CFAP61: variants seen among roughly 807,000 people sequenced by gnomAD.
The protein encoded by CFAP61 is cilia- and flagella-associated protein 61.
CFAP61 carries 107 observed loss-of-function variants against 135.6 expected under a neutral mutation model. That is an observed-to-expected ratio of 0.79 (90% CI 0.67 to 0.93). The LOEUF is 0.93. CFAP61 is among the 40% of genes least tolerant of loss of function. The pLI is 0.00. For missense variants in CFAP61, 1,507 were observed against 1,556.2 expected (o/e 0.97, Z 0.53); for synonymous variants, 575 against 578.5 (o/e 0.99, Z 0.09).
chr20:20,112,892 G>T (rs2048891927), intron 8 of CFAP61, among the ~76,000 whole-genome samples: 1 of 152,142 alleles, frequency 6.6e-6, no homozygotes, highest in Admixed American at 6.6e-5. Context: ...ATGAATATCT[G>T]TGGTTGTGAT....
chr20:20,257,563 G>A (rs184667873), intron 20 of CFAP61, among the ~76,000 whole-genome samples: 13 of 147,744 alleles, frequency 8.8e-5, no homozygotes, highest in Admixed American at 2.1e-4. Context: ...GCAGTGAGCC[G>A]AGATTGTGCC....
rs927767288 is a variant in CFAP61 at position 20,337,324 on chromosome 20, G to A, written c.3423-4507G>A. ...TGGATGGATGGATGGATGGATGGAT[G>A]GATGGATGGATGGATAGATGGGTGG... On this transcript the variant is annotated intron_variant, in intron 25 of 26. Coordinates refer to ENST00000245957, the MANE Select transcript of CFAP61 (RefSeq NM_015585.4). 1.8e-3 allele frequency among the ~76,000 whole-genome samples: 187 copies of A among 105,342 alleles called. 28 individuals are homozygous for A. The highest frequency in any genetic ancestry group is 0.012 in the East Asian group (27 of 2,250). The allele number at this position is 105,342 out of a possible 152,430, so 69.1% of individuals were successfully genotyped here.
intron 18 of CFAP61, among the ~76,000 whole-genome samples, chr20:20,237,139 A>G (rs1040292253): frequency 6.6e-6 from 1 of 152,152 alleles, no homozygotes; most frequent in Non-Finnish European, 1.5e-5. Flanking sequence ...TTTGTGATAC[A>G]TAAGTTTTTT....
intron 6 of CFAP61, among the ~76,000 whole-genome samples, chr20:20,078,068 T>A (rs2046182744): frequency 6.6e-6 from 1 of 152,230 alleles, no homozygotes; most frequent in South Asian, 2.1e-4. Context: ...AACTTCAGTT[T>A]ATTTCAGGGC....
At position 20,345,883 on chromosome 20, in the gene CFAP61, CTTTTTTTTTT is replaced by C. The variant is rs756813997; in HGVS notation, c.3513+3982_3513+3991del. On this transcript the variant is annotated intron_variant, in intron 26 of 26. Coordinates refer to ENST00000245957, the MANE Select transcript of CFAP61 (RefSeq NM_015585.4). ...GTTGTATTTAGCTGAGATTGTGCCA[CTTTTTTTTTT>C]TTTTTTTTTTTTTTTTTTTGAGACG... Among the ~76,000 whole-genome samples the C allele has an allele frequency of 5.9e-5, 3 of 50,428 alleles. No homozygotes were observed. The Admixed American group carries it at 1.1e-3, about 18-fold the overall frequency. 33.1% of individuals were successfully genotyped at this position (50,428 alleles called of 152,430 possible).
At chr20:20,311,160 C>A (rs766926378) in intron 25 of CFAP61, among the ~76,000 whole-genome samples, 22 of 152,186 alleles carry the variant, frequency 1.4e-4, no homozygotes, top group Non-Finnish European at 3.1e-4. Context: ...AACTAATCAA[C>A]CTTGACCAGA....
chr20:20,116,639 C>CTTCTACAACCA (rs1233963393), intron 8 of CFAP61, among the ~76,000 whole-genome samples: 1 of 152,016 alleles, frequency 6.6e-6, no homozygotes, highest in Non-Finnish European at 1.5e-5. Flanking sequence ...TAGTTTCATT[C>CTTCTACAACCA]TTCTACATGG....
intron 6 of CFAP61, chr20:20,085,650 T>C (rs1232352203): frequency 1.3e-5 from 7 of 553,494 alleles, no homozygotes; most frequent in Non-Finnish European, 2.2e-5. Flanking sequence ...GTAATATTTC[T>C]GTGTCCATCG....
At chr20:20,183,931 T>C (rs1372863626) in intron 13 of CFAP61, among the ~76,000 whole-genome samples, 1 of 152,162 alleles carries the variant, frequency 6.6e-6, no homozygotes, top group Non-Finnish European at 1.5e-5. Flanking sequence ...TATTCCTCTT[T>C]GGTGAATATG....
intron 22 of CFAP61, among the ~76,000 whole-genome samples, chr20:20,283,899 A>G (rs138836436): frequency 1.4e-3 from 209 of 152,286 alleles, no homozygotes; most frequent in Non-Finnish European, 2.1e-3. Context: ...TTTAAGGTTT[A>G]CCTGATCAGG....
chr20:20,057,261 T>A (rs1022730255), intron 2 of CFAP61, among the ~76,000 whole-genome samples: 2 of 152,188 alleles, frequency 1.3e-5, no homozygotes, highest in African/African-American at 4.8e-5. Context: ...AAGAAATCTC[T>A]GGGAACAACA....
intron 6 of CFAP61, among the ~76,000 whole-genome samples, chr20:20,080,482 G>T (rs1023698618): frequency 6.6e-6 from 1 of 151,998 alleles, no homozygotes; most frequent in Non-Finnish European, 1.5e-5. Context: ...AAATAATACT[G>T]TAGTAAACAG....
At chr20:20,266,157 A>G (rs2052723989) in intron 21 of CFAP61, among the ~76,000 whole-genome samples, 1 of 152,246 alleles carries the variant, frequency 6.6e-6, no homozygotes, top group African/African-American at 2.4e-5. Flanking sequence ...CTGGGAGGGC[A>G]TTCCATATAG....
chr20:20,065,972 G>T (rs6132267), intron 2 of CFAP61, among the ~76,000 whole-genome samples: 1 of 145,320 alleles, frequency 6.9e-6, no homozygotes, highest in Non-Finnish European at 1.5e-5. Flanking sequence ...TTTGTACAAA[G>T]AACTTAAACA....
chr20:20,278,517 A>G (rs1046360268), intron 22 of CFAP61, among the ~76,000 whole-genome samples: 5 of 152,208 alleles, frequency 3.3e-5, no homozygotes, highest in Non-Finnish European at 5.9e-5. Context: ...TATGAGGATA[A>G]TGGTTGTGTA....
chr20:20,175,153 G>T (rs1804548612), intron 13 of CFAP61, among the ~76,000 whole-genome samples: 1 of 152,196 alleles, frequency 6.6e-6, no homozygotes, highest in Non-Finnish European at 1.5e-5. Context: ...ACAAGAGCTT[G>T]TTTGTCCCTT....
Position 20,080,444 on chromosome 20 carries a change from G to A in CFAP61, c.566+4829G>A, listed in dbSNP as rs6132270. Among the ~76,000 whole-genome samples the A allele has an allele frequency of 3.6e-4, 55 of 152,168 alleles. No individual in the cohort carries two copies. In the East Asian group the frequency reaches 9.3e-3, roughly 26 times the overall value. Reference sequence around the variant, plus strand: ...GGAAATTTAATTTAAGTTGTTTCCTGTAAAAAATTTACCACTTTTTCTATA... The same window carrying A: ...GGAAATTTAATTTAAGTTGTTTCCTATAAAAAATTTACCACTTTTTCTATA... On this transcript the variant is annotated intron_variant, in intron 6 of 26. Transcript: ENST00000245957.
chr20:20,079,118 G>A (rs1489925074), intron 6 of CFAP61, among the ~76,000 whole-genome samples: 1 of 152,086 alleles, frequency 6.6e-6, no homozygotes, highest in East Asian at 1.9e-4. Context: ...AGAGGAAGGG[G>A]GCCCTCCTGC....
At chr20:20,122,278 C>T (rs1437205983) in intron 8 of CFAP61, among the ~76,000 whole-genome samples, 1 of 152,098 alleles carries the variant, frequency 6.6e-6, no homozygotes, top group Non-Finnish European at 1.5e-5. Flanking sequence ...CTCAGCCTCT[C>T]CCGAGCAGCT....
Sources: gnomAD v4.1 joint callset for allele counts (sites outside exome capture counted in the v4.1 genomes callset) on GRCh38, gnomAD v4.1.1 for gene constraint, MANE v1.5 for transcripts, NCBI Gene and HGNC (gene_info 2026-07-23, HGNC 2026-07-21) for gene names.